The following DVL2 variants were observed in gnomAD, a reference collection of about 807,000 sequenced individuals.
DVL2 encodes dishevelled segment polarity protein 2.
Under a neutral mutation model 69.8 loss-of-function variants are expected in DVL2, and 38 were observed. The observed-to-expected ratio is 0.54, with a 90% confidence interval of 0.42 to 0.71. The LOEUF (loss-of-function observed/expected upper bound fraction) is 0.71. Ranked by LOEUF, DVL2 falls within the 30% of genes least tolerant of loss-of-function variation. The pLI, the probability that DVL2 is intolerant of heterozygous loss-of-function variation, is 0.00. For missense variants in DVL2, 931 were observed against 1,008.1 expected, an observed-to-expected ratio of 0.92 and a Z score of 1.04; for synonymous variants, 428 against 392.4, an observed-to-expected ratio of 1.09 and a Z score of -1.07.
At position 7,228,058 on chromosome 17, in the gene DVL2, AAGTCCAGTCAAGGGCGCAGGGGAAGAGG is replaced by A; in HGVS notation, c.1035-42_1035-15del. 1 of 1,527,480 alleles carries A rather than the reference AAGTCCAGTCAAGGGCGCAGGGGAAGAGG, an allele frequency of 6.5e-7. No individual in the cohort carries two copies. The highest frequency in any genetic ancestry group is 8.8e-7 in the Non-Finnish European group (1 of 1,139,046). 94.6% of individuals were successfully genotyped at this position (1,527,480 alleles called of 1,614,324 possible). ...AGCACAATGGGGCTATGGGGAAGAG[AAGTCCAGTCAAGGGCGCAGGGGAAGAGG>A]AGGCCTCAGGAGGGCGGGGGTCTGA... On this transcript the variant is annotated splice_polypyrimidine_tract_variant and intron_variant, in intron 9 of 14. Coordinates refer to ENST00000005340, the MANE Select transcript of DVL2 (RefSeq NM_004422.3).
Position 7,226,290 on chromosome 17 carries a change from G to A in DVL2, c.1786C>T (p.Arg596Trp), listed in dbSNP as rs973148117. Reference sequence around the variant, plus strand: ...GTGCGCCCTGCCCCCCCATCACTCCGTGTCGACCCACTGCTCCGGCTGCCT... The same window carrying A: ...GTGCGCCCTGCCCCCCCATCACTCCATGTCGACCCACTGCTCCGGCTGCCT... ...SEGSRSSGST[R>W]SDGGAGRTGR... Residue 596 changes from arginine (R) to tryptophan (W), a missense_variant, in exon 15 of 15, where the codon CGG becomes TGG. By Grantham distance (101) the Arg-to-Trp change is moderately radical. Coordinates refer to ENST00000005340, the MANE Select transcript of DVL2 (RefSeq NM_004422.3). The A allele has an allele frequency of 7.6e-6, 12 of 1,578,730 alleles. No individual in the cohort carries two copies. The highest frequency in any genetic ancestry group is 1.0e-5 in the Non-Finnish European group (12 of 1,165,344).
chr17:7,225,462 A>G lies in DVL2; in HGVS notation c.*403T>C. The G allele has an allele frequency of 4.7e-6, 2 of 423,894 alleles. No individual in the cohort carries two copies. The highest frequency in any genetic ancestry group is 8.7e-6 in the Non-Finnish European group (2 of 230,110). The allele number at this position is 423,894 out of a possible 1,614,324, so 26.3% of individuals were successfully genotyped here. A position where few individuals can be genotyped will look rare whatever the true frequency, so the allele number is the denominator to read the frequency against. On this transcript the variant is annotated 3_prime_UTR_variant, in exon 15 of 15. Coordinates refer to ENST00000005340, the MANE Select transcript of DVL2 (RefSeq NM_004422.3). Reference sequence around the variant, plus strand: ...CTCAGGCTGCTGTCTAGGATGCCTAACCCCGGGGTACCGCTGACCACCCCC... The same window carrying G: ...CTCAGGCTGCTGTCTAGGATGCCTAGCCCCGGGGTACCGCTGACCACCCCC...
In DVL2 at chr17:7,226,154, C is replaced by G. The variant is rs1474352766; in HGVS notation, c.1922G>C (p.Ser641Thr). 7 of 1,609,220 alleles carry G rather than the reference C, an allele frequency of 4.3e-6. No homozygotes were observed. Among genetic ancestry groups the G allele is most frequent in the Non-Finnish European group, 4.2e-6 (5 of 1,177,758 alleles). ...TCTGGATGGAGGAGGGCCCCCATCGCTAGTCCCACTTGCTTCCCCACCCCG... is the reference window on the plus strand; with the variant it reads ...TCTGGATGGAGGAGGGCCCCCATCGGTAGTCCCACTTGCTTCCCCACCCCG... The part of the protein sequence containing the change: ...LRRGGEASGT[S>T]DGGPPPSRGS... Residue 641 changes from serine (S) to threonine (T), a missense_variant, in exon 15 of 15, where the codon AGC (serine) becomes ACC (threonine). Transcript: ENST00000005340.
intron 13 of DVL2, 116 bp from the exon 14 acceptor site, chr17:7,226,755 A>T: frequency 1.2e-6 from 1 of 824,026 alleles, no homozygotes; most frequent in Non-Finnish European, 1.8e-6. Context: ...ATGGGGCTCA[A>T]AACAGGGGTT....
At position 7,229,455 on chromosome 17, in the gene DVL2, G is replaced by A. The variant is rs201343725; in HGVS notation, c.748-8C>T. ...GCTGCTGAAGGATGACGTCTGTGGT[G>A]GGAAAAGGAGCCAGAGTGCCCTTCA... On this transcript the variant is annotated splice_region_variant and splice_polypyrimidine_tract_variant and intron_variant, in intron 6 of 14. Coordinates refer to ENST00000005340, the MANE Select transcript of DVL2 (RefSeq NM_004422.3). The surrounding 1 kb of genome is among the most constrained non-coding windows in gnomAD (Gnocchi z 4.4). 223 of 1,613,952 alleles carry A rather than the reference G, an allele frequency of 1.4e-4. No individual in the cohort carries two copies. The highest frequency in any genetic ancestry group is 1.7e-4 in the Non-Finnish European group (202 of 1,180,034).
chr17:7,230,602 AACAG>A, intron 2 of DVL2, 122 bp downstream of exon 2: 3 of 1,320,358 alleles, frequency 2.3e-6, no homozygotes, highest in South Asian at 2.8e-5. Flanking sequence ...CGGCTCTCCA[AACAG>A]ACAGGAGGTA....
chr17:7,226,636 A>G lies in DVL2; in HGVS notation c.1547T>C (p.Leu516Pro). Residue 516 changes from leucine to proline, a missense_variant, in exon 14 of 15, where the codon CTA (leucine) becomes CCA (proline). Coordinates refer to ENST00000005340, the MANE Select transcript of DVL2 (RefSeq NM_004422.3). ...GTTGTCATTGAGAGACAGGTTGACT[A>G]GGTCTGGAAAGCAAGGGAAGAGAGG... ...GDLSGGCESY[L>P]VNLSLNDNDG... The G allele has an allele frequency of 6.5e-7, 1 of 1,550,146 alleles. No homozygotes were observed. The highest frequency in any genetic ancestry group is 8.7e-7 in the Non-Finnish European group (1 of 1,151,310).
In DVL2 at chr17:7,226,506, G is replaced by T. The variant is rs528578173; in HGVS notation, c.1677C>A (p.His559Gln). 6.2e-7 allele frequency: 1 copy of T among 1,600,154 alleles called. No individual in the cohort carries two copies. Among genetic ancestry groups the T allele is most frequent in the South Asian group, 1.1e-5 (1 of 89,310 alleles). Residue 559 changes from histidine to glutamine, a missense_variant, in exon 14 of 15, where the codon CAC becomes CAA. His to Gln is a conservative substitution (Grantham distance 24). Transcript: ENST00000005340. ...AGGGTGGAGGCTGCGGGCTGTAGGGGTGTGGGGCAGGGTATTGGTAGGAGA... is the reference window on the plus strand; with the variant it reads ...AGGGTGGAGGCTGCGGGCTGTAGGGTTGTGGGGCAGGGTATTGGTAGGAGA... Reference protein sequence around the residue: ...PTFSYQYPAPHPYSPQPPPYH... With the variant: ...PTFSYQYPAPQPYSPQPPPYH...
Position 7,227,145 on chromosome 17 carries a change from G to C in DVL2, c.1488C>G (p.Thr496=), listed in dbSNP as rs2071469276. The part of the protein sequence containing the change: ...GLIRHTVNKI[T]FSEQCYYVFG... The stretch of plus-strand genomic sequence containing the variant: ...AGACGTAATAGCACTGCTCAGAGAA[G>C]GTGATCTTGTTGACGGTGTGTCGGA... The change falls in exon 13 of 15, where the codon ACC becomes ACG. Residue 496 remains threonine (T), a synonymous_variant. Coordinates refer to ENST00000005340, the MANE Select transcript of DVL2 (RefSeq NM_004422.3). 6.2e-7 allele frequency: 1 copy of C among 1,614,088 alleles called. No individual in the cohort carries two copies. The highest frequency in any genetic ancestry group is 1.3e-5 in the African/African-American group (1 of 74,952).
chr17:7,234,188 A>C lies in DVL2; in HGVS notation c.75T>G (p.Thr25=). The change falls in exon 1 of 15, where the codon ACT becomes ACG. Residue 25 remains threonine, a synonymous_variant. Transcript: ENST00000005340. ...GGACAGGGATCTTCACCAGGTAGGG[A>C]GTCTCTTCCTCATCCAGGTGGTAAA... ...KVIYHLDEEE[T]PYLVKIPVPA... is the part of the protein sequence containing the mutation. The C allele has an allele frequency of 2.5e-6, 4 of 1,614,024 alleles. No individual in the cohort carries two copies. Among genetic ancestry groups the C allele is most frequent in the Non-Finnish European group, 3.4e-6 (4 of 1,179,980 alleles).
rs1391387082 is a variant in DVL2, at chr17:7,225,943, G to A, written c.2133C>T (p.Pro711=). 1.2e-6 allele frequency: 2 copies of A among 1,613,730 alleles called. No individual in the cohort carries two copies. Among genetic ancestry groups the A allele is most frequent in the Admixed American group, 3.3e-5 (2 of 60,010 alleles). Residue 711 remains proline (P), a synonymous_variant, in exon 15 of 15, where the codon CCC becomes CCT. Coordinates refer to ENST00000005340, the MANE Select transcript of DVL2 (RefSeq NM_004422.3). ...APPVRDLGSV[P]PELTASRQSF... is the part of the protein sequence containing the mutation. ...TTTGGCGGCTGGCTGTCAGTTCTGGGGGCACAGAGCCCAGGTCTCTGACTG... is the reference window on the plus strand; with the variant it reads ...TTTGGCGGCTGGCTGTCAGTTCTGGAGGCACAGAGCCCAGGTCTCTGACTG...
At chr17:7,226,965 C>T (rs1446392179) in intron 13 of DVL2, 125 bp downstream of exon 13, 14 of 961,852 alleles carry the variant, frequency 1.5e-5, no homozygotes, top group Admixed American at 4.9e-5. Context: ...GGACCTAGTG[C>T]GGGACACACA....
At chr17:7,228,826 C>A in intron 9 of DVL2, 143 bp downstream of exon 9, 1 of 732,404 alleles carries the variant, frequency 1.4e-6, no homozygotes, top group Non-Finnish European at 2.3e-6. Context: ...AGGTGATCCA[C>A]CCATCTGGGC....
At chr17:7,232,341 T>C (rs1422666605) in intron 1 of DVL2, among the ~76,000 whole-genome samples, 1 of 152,222 alleles carries the variant, frequency 6.6e-6, no homozygotes, top group Non-Finnish European at 1.5e-5. Flanking sequence ...TATATCAACA[T>C]AATCCATTTG....
chr17:7,225,490 C>T lies in DVL2; in HGVS notation c.*375G>A. ...CCGGGGTACCGCTGACCACCCCCAA[C>T]CCTGCAAAGGGCAGGGCTGTGGGTA... is the stretch of plus-strand genomic sequence containing the variant. On this transcript the variant is annotated 3_prime_UTR_variant, in exon 15 of 15. Coordinates refer to ENST00000005340, the MANE Select transcript of DVL2 (RefSeq NM_004422.3). The T allele has an allele frequency of 2.3e-6, 1 of 426,870 alleles. No homozygotes were observed. The highest frequency in any genetic ancestry group is 4.3e-6 in the Non-Finnish European group (1 of 233,162). 26.4% of individuals were successfully genotyped at this position (426,870 alleles called of 1,614,324 possible). A position where few individuals can be genotyped will look rare whatever the true frequency, so the allele number is the denominator to read the frequency against.
Position 7,229,522 on chromosome 17 carries a change from AC to A in DVL2, c.747+65del. On this transcript the variant is annotated intron_variant, in intron 6 of 14. Coordinates refer to ENST00000005340, the MANE Select transcript of DVL2 (RefSeq NM_004422.3). The surrounding 1 kb of genome is among the most constrained non-coding windows in gnomAD (Gnocchi z 4.4). ...CCTGGGGTGCTGCCGGTGTCCTGGC[AC>A]CGCCCAAACCAAAGCCCATGCCCCA... 1 of 1,611,204 alleles carries A rather than the reference AC, an allele frequency of 6.2e-7. No individual in the cohort carries two copies. The highest frequency in any genetic ancestry group is 1.1e-5 in the South Asian group (1 of 90,920).
chr17:7,225,812 G>A lies in DVL2; in HGVS notation c.*53C>T. On this transcript the variant is annotated 3_prime_UTR_variant, in exon 15 of 15. Transcript: ENST00000005340. The stretch of plus-strand genomic sequence containing the variant: ...TGTAAGAGCAAGCACATGACGGCCA[G>A]GACACCCAGTCACACACCAGGAGCG... 3 of 1,496,398 alleles carry A rather than the reference G, an allele frequency of 2.0e-6. No individual in the cohort carries two copies. Among genetic ancestry groups the A allele is most frequent in the Admixed American group, 3.3e-5 (2 of 59,772 alleles). 92.7% of individuals were successfully genotyped at this position (1,496,398 alleles called of 1,614,324 possible). A position where few individuals can be genotyped will look rare whatever the true frequency, so the allele number is the denominator to read the frequency against.
chr17:7,227,083 G>A lies in DVL2; in HGVS notation c.1543+7C>T, dbSNP rs1488181603. On this transcript the variant is annotated splice_region_variant and intron_variant, in intron 13 of 14. Transcript: ENST00000005340. The stretch of plus-strand genomic sequence containing the variant: ...CACACTCCCAGAGTTGGGGCAGGGG[G>A]ACTTACAGCTCTCACAGCCACCACT... The A allele has an allele frequency of 1.9e-6, 3 of 1,603,684 alleles. No homozygotes were observed. The highest frequency in any genetic ancestry group is 2.6e-6 in the Non-Finnish European group (3 of 1,174,282).
intron 12 of DVL2, 53 bp from the exon 13 acceptor site, chr17:7,227,322 T>C: frequency 6.2e-7 from 1 of 1,602,604 alleles, no homozygotes; most frequent in South Asian, 1.1e-5. Flanking sequence ...CAACTCCTGC[T>C]CTCGCCTCTG....
Sources: allele counts gnomAD v4.1 joint callset (sites outside exome capture counted in the v4.1 genomes callset), GRCh38; gene constraint gnomAD v4.1.1; non-coding constraint Gnocchi (gnomAD v3.1); transcripts MANE v1.5; gene names NCBI Gene and HGNC (gene_info 2026-07-23, HGNC 2026-07-21).